RAD51B: variants seen among roughly 807,000 people sequenced by gnomAD.
RAD51B encodes DNA repair protein RAD51 homolog 2.
In RAD51B, 38 loss-of-function variants were observed where a neutral mutation model predicts 42.2. That is an observed-to-expected ratio of 0.90 (90% CI 0.70 to 1.18). The LOEUF (loss-of-function observed/expected upper bound fraction) is 1.18, where lower values mean the gene tolerates loss of function less well. RAD51B is among the 50% of genes most tolerant of loss of function. The pLI, the probability that RAD51B is intolerant of heterozygous loss-of-function variation, is 0.00. For synonymous variants in RAD51B, 154 were observed against 145.2 expected (o/e 1.06, Z -0.43); for missense variants, 373 against 400.7 (o/e 0.93, Z 0.59).
At chr14:68,060,374 A>G (rs2076548413) in intron 7 of RAD51B, among the ~76,000 whole-genome samples, 1 of 152,196 alleles carries the variant, frequency 6.6e-6, no homozygotes, top group African/African-American at 2.4e-5. Flanking sequence ...ATAGATTGCT[A>G]GTTATATGTG....
chr14:68,467,331 C>G (rs2086010460), intron 9 of RAD51B, among the ~76,000 whole-genome samples: 1 of 152,202 alleles, frequency 6.6e-6, no homozygotes, highest in African/African-American at 2.4e-5. Flanking sequence ...TTAACTCTTG[C>G]TGCACGCACT....
In RAD51B at chr14:68,375,231, A is replaced by C. The variant is rs2083343055; in HGVS notation, c.854-36193A>C. On this transcript the variant is annotated intron_variant, in intron 8 of 10. Coordinates refer to ENST00000471583, the MANE Select transcript of RAD51B (RefSeq NM_133510.4). ...TCTTTGTATGTGATGGTAAAGCTGA[A>C]TTTTCCTAACACCCTCCTTCCCCGC... 3.3e-5 allele frequency among the ~76,000 whole-genome samples: 5 copies of C among 151,618 alleles called. No homozygotes were observed. The South Asian group carries it at 1.0e-3, about 32-fold the overall frequency.
intron 7 of RAD51B, among the ~76,000 whole-genome samples, chr14:68,100,951 A>T (rs2077277958): frequency 6.6e-6 from 1 of 152,206 alleles, no homozygotes; most frequent in Non-Finnish European, 1.5e-5. Context: ...TAATTGACTC[A>T]CAGTTCTGCA....
chr14:68,514,315 A>G (rs1226931636), intron 10 of RAD51B, among the ~76,000 whole-genome samples: 1 of 152,226 alleles, frequency 6.6e-6, no homozygotes, highest in Non-Finnish European at 1.5e-5. Flanking sequence ...CTTAGCAGGA[A>G]GCAGGACCTA....
In RAD51B at chr14:68,646,403, T is replaced by G. The variant is rs149533907; in HGVS notation, c.1037-4378T>G. On this transcript the variant is annotated intron_variant, in intron 10 of 11. Coordinates refer to the RAD51B transcript ENST00000488612. Reference sequence around the variant, plus strand: ...TGTATTTCCTTTCATGTAAACTACGTGTCTGTCCTTGGCTCATTTATCTTT... The same window carrying G: ...TGTATTTCCTTTCATGTAAACTACGGGTCTGTCCTTGGCTCATTTATCTTT... Among the ~76,000 whole-genome samples the G allele has an allele frequency of 1.2e-4, 18 of 152,324 alleles. No individual in the cohort carries two copies. In the East Asian group the frequency reaches 3.5e-3, roughly 29 times the overall value.
chr14:68,462,520 G>A (rs2085870657), intron 9 of RAD51B, among the ~76,000 whole-genome samples: 3 of 152,154 alleles, frequency 2.0e-5, no homozygotes, highest in African/African-American at 7.2e-5. Context: ...AGTACATATT[G>A]GATATACCTT....
In RAD51B at chr14:68,477,639, T is replaced by C. The variant is rs1347890213; in HGVS notation, c.1037-9T>C. ...TTCAAACTTTCTCTTTTTTTTTTTT[T>C]TCCTTTAGGCCAAGAGAAGCCATAG... On this transcript the variant is annotated splice_polypyrimidine_tract_variant and intron_variant, in intron 10 of 10. Coordinates refer to ENST00000471583, the MANE Select transcript of RAD51B (RefSeq NM_133510.4). 6.2e-7 allele frequency: 1 copy of C among 1,607,194 alleles called. No homozygotes were observed. Among genetic ancestry groups the C allele is most frequent in the African/African-American group, 1.3e-5 (1 of 74,152 alleles).
intron 4 of RAD51B, among the ~76,000 whole-genome samples, chr14:67,859,656 G>A (rs1434969284): frequency 1.3e-5 from 2 of 152,108 alleles, no homozygotes; most frequent in Non-Finnish European, 2.9e-5. Context: ...ACATAACTCA[G>A]TATCTAGAAA....
intron 7 of RAD51B, among the ~76,000 whole-genome samples, chr14:67,910,541 G>T (rs1164447690): frequency 6.7e-6 from 1 of 149,094 alleles, no homozygotes; most frequent in Non-Finnish European, 1.5e-5. Context: ...CCACTTTGCA[G>T]TTTGATATTG....
chr14:68,041,467 G>A (rs1280535045), intron 7 of RAD51B, among the ~76,000 whole-genome samples: 1 of 151,916 alleles, frequency 6.6e-6, no homozygotes, highest in African/African-American at 2.4e-5. Context: ...CAATCCTTTT[G>A]ATTATTTTTT....
chr14:67,904,854 CT>C (rs2043731051), intron 7 of RAD51B, among the ~76,000 whole-genome samples: 1 of 150,462 alleles, frequency 6.6e-6, no homozygotes, highest in Admixed American at 6.6e-5. Flanking sequence ...TATTTTCTCC[CT>C]TTAGGTTATC....
At chr14:68,416,423 A>G (rs918173902) in intron 9 of RAD51B, among the ~76,000 whole-genome samples, 1 of 152,168 alleles carries the variant, frequency 6.6e-6, no homozygotes, top group Non-Finnish European at 1.5e-5. Flanking sequence ...ATTTATCTGC[A>G]TACCCTCAAA....
At chr14:68,333,628 G>A (rs1244781231) in intron 8 of RAD51B, among the ~76,000 whole-genome samples, 1 of 152,140 alleles carries the variant, frequency 6.6e-6, no homozygotes, top group Non-Finnish European at 1.5e-5. Flanking sequence ...AAGGCCAGAA[G>A]GATGAACACC....
At position 67,885,949 on chromosome 14, in the gene RAD51B, A is replaced by G. The variant is rs1184591860; in HGVS notation, c.533A>G (p.His178Arg). The change falls in exon 6 of 11, where the codon CAT (histidine) becomes CGT (arginine). Residue 178 changes from histidine (H) to arginine (R), a missense_variant. Transcript: ENST00000471583. ...TTACTTTTGACAAGTAGTAAAGTTCATCTTTATCGGGAACTCACCTGTGAT... is the reference window on the plus strand; with the variant it reads ...TTACTTTTGACAAGTAGTAAAGTTCGTCTTTATCGGGAACTCACCTGTGAT... ...EKLLLTSSKV[H>R]LYRELTCDEV... 5 of 1,607,908 alleles carry G rather than the reference A, an allele frequency of 3.1e-6. No individual in the cohort carries two copies. Among genetic ancestry groups the G allele is most frequent in the African/African-American group, 2.7e-5 (2 of 74,780 alleles).
At chr14:68,679,664 A>G (rs1177954878) in intron 11 of RAD51B, among the ~76,000 whole-genome samples, 2 of 152,246 alleles carry the variant, frequency 1.3e-5, no homozygotes, top group Non-Finnish European at 2.9e-5. Flanking sequence ...CCTTGTTGGT[A>G]TCCAGTTCAG....
At chr14:68,270,958 G>A (rs2081093459) in intron 7 of RAD51B, among the ~76,000 whole-genome samples, 1 of 152,156 alleles carries the variant, frequency 6.6e-6, no homozygotes, top group Non-Finnish European at 1.5e-5. Context: ...CTGTTGAAGA[G>A]TTATAGAATT....
chr14:68,474,819 G>A (rs897442346), intron 10 of RAD51B, among the ~76,000 whole-genome samples: 1 of 152,232 alleles, frequency 6.6e-6, no homozygotes, highest in Admixed American at 6.5e-5. Context: ...CCTGAGTGCA[G>A]TTAGATTATA....
rs557651237 is a variant in RAD51B, at chr14:67,921,922, G to A, written c.756+34718G>A. Among the ~76,000 whole-genome samples the A allele has an allele frequency of 8.1e-4, 123 of 152,134 alleles. 1 individual carries two copies. Among genetic ancestry groups the A allele is most frequent in the African/African-American group, 2.9e-3 (121 of 41,516 alleles). ...GTGTTAGTGTGCTCTGCGATGGGATGGCATCCCCTCCGTGGTCAGTTCCTG... is the reference window on the plus strand; with the variant it reads ...GTGTTAGTGTGCTCTGCGATGGGATAGCATCCCCTCCGTGGTCAGTTCCTG... On this transcript the variant is annotated intron_variant, in intron 7 of 10. Transcript: ENST00000471583.
At chr14:68,015,685 A>G (rs2075768150) in intron 7 of RAD51B, among the ~76,000 whole-genome samples, 2 of 152,174 alleles carry the variant, frequency 1.3e-5, no homozygotes, top group South Asian at 4.1e-4. Flanking sequence ...CTCCCATGAC[A>G]CGTGGGGATT....
Sources: gnomAD v4.1 joint callset for allele counts (sites outside exome capture counted in the v4.1 genomes callset) on GRCh38, gnomAD v4.1.1 for gene constraint, MANE v1.5 for transcripts, NCBI Gene and HGNC (gene_info 2026-07-23, HGNC 2026-07-21) for gene names.